The following PCSK5 variants were observed in gnomAD, a reference collection of about 807,000 sequenced individuals.
The protein encoded by PCSK5 is proprotein convertase subtilisin/kexin type 5, also known as prohormone convertase 5.
A neutral mutation model predicts 233.2 loss-of-function variants in PCSK5; 129 were observed. The observed-to-expected ratio is 0.55, with a 90% CI of 0.48 to 0.64. The LOEUF (loss-of-function observed/expected upper bound fraction) is 0.64. PCSK5 is among the 30% of genes least tolerant of loss of function. The pLI is 0.00. For missense variants in PCSK5, 2,076 were observed against 2,430.1 expected (o/e 0.85, Z 3.06); for synonymous variants, 825 against 879.2 (o/e 0.94, Z 1.09).
At chr9:75,981,952 G>A (rs1826293797) in intron 2 of PCSK5, among the ~76,000 whole-genome samples, 1 of 152,194 alleles carries the variant, frequency 6.6e-6, no homozygotes, top group Admixed American at 6.5e-5. Context: ...ATTTAAAAGG[G>A]CATGCAGTAG....
chr9:76,195,392 G>A (rs577363864), intron 20 of PCSK5: 5 of 152,268 alleles, frequency 3.3e-5, no homozygotes, highest in African/African-American at 9.6e-5. Context: ...GTCTGTTTTT[G>A]TAGACGAATA....
chr9:76,181,260 C>T lies in PCSK5; in HGVS notation c.2004-138C>T, dbSNP rs1823859673. 10 of 658,826 alleles carry T rather than the reference C, an allele frequency of 1.5e-5. No homozygotes were observed. In the South Asian group the frequency reaches 1.9e-4, roughly 13 times the overall value. The allele number at this position is 658,826 out of a possible 1,614,324, so 40.8% of individuals were successfully genotyped here. ...AGGAAGTTTAACAAACAATCTGGCT[C>T]TCTGGATGTGGTGTTGGCATCCTGG... On this transcript the variant is annotated intron_variant, in intron 15 of 37. Transcript: ENST00000674117.
At chr9:76,147,542 A>G (rs1324144287) in intron 10 of PCSK5, among the ~76,000 whole-genome samples, 1 of 152,066 alleles carries the variant, frequency 6.6e-6, no homozygotes, top group East Asian at 1.9e-4. Context: ...AGCATGTTAG[A>G]AATTCACATT....
chr9:75,975,132 T>C (rs563209033), intron 2 of PCSK5, among the ~76,000 whole-genome samples: 281 of 152,004 alleles, frequency 1.8e-3, no homozygotes, highest in Non-Finnish European at 3.2e-3. Flanking sequence ...ATGGATGAAA[T>C]GAAAACTCCT....
At chr9:76,118,913 A>G (rs974825663) in intron 9 of PCSK5, among the ~76,000 whole-genome samples, 1 of 151,982 alleles carries the variant, frequency 6.6e-6, no homozygotes, top group Admixed American at 6.6e-5. Flanking sequence ...TTTGTCTTTA[A>G]TCTGCATTTT....
intron 3 of PCSK5, among the ~76,000 whole-genome samples, chr9:76,014,024 A>G (rs1827843694): frequency 6.6e-6 from 1 of 151,876 alleles, no homozygotes; most frequent in Admixed American, 6.6e-5. Context: ...GCCACACCAC[A>G]TTCTACTCAT....
chr9:75,906,525 G>T (rs918199815), intron 1 of PCSK5, among the ~76,000 whole-genome samples: 1 of 152,082 alleles, frequency 6.6e-6, no homozygotes. Context: ...GCGCCCAGCC[G>T]CAGATACCTA....
intron 12 of PCSK5, among the ~76,000 whole-genome samples, chr9:76,167,174 G>C (rs1388837367): frequency 6.6e-6 from 1 of 152,134 alleles, no homozygotes; most frequent in African/African-American, 2.4e-5. Flanking sequence ...ATCCAACCTG[G>C]TTCCTCATTG....
rs574104993 is a variant in PCSK5, at chr9:76,098,695, T to C, written c.1107+2593T>C. 6.6e-5 allele frequency among the ~76,000 whole-genome samples: 10 copies of C among 152,340 alleles called. No homozygotes were observed. In the South Asian group the frequency reaches 2.1e-3, roughly 32 times the overall value. Reference sequence around the variant, plus strand: ...GCTATGGGGAGGGTATTGTTAACTTTTATAAATGCCTTCTGTAAGGGAAGC... The same window carrying C: ...GCTATGGGGAGGGTATTGTTAACTTCTATAAATGCCTTCTGTAAGGGAAGC... On this transcript the variant is annotated intron_variant, in intron 8 of 37. Coordinates refer to ENST00000674117, the MANE Select transcript of PCSK5 (RefSeq NM_001372043.1).
intron 1 of PCSK5, among the ~76,000 whole-genome samples, chr9:75,925,700 G>C (rs1188796634): frequency 6.6e-6 from 1 of 152,170 alleles, no homozygotes; most frequent in Non-Finnish European, 1.5e-5. Context: ...CAGAAGGAAG[G>C]AGGTGCAAGG....
intron 2 of PCSK5, among the ~76,000 whole-genome samples, chr9:75,953,634 A>ATG (rs1184889215): frequency 8.3e-5 from 12 of 144,632 alleles, no homozygotes; most frequent in Admixed American, 2.9e-4. Context: ...TGGCGTGCAT[A>ATG]TGTGTGTGTG....
chr9:75,998,041 G>T (rs557491981), intron 3 of PCSK5, among the ~76,000 whole-genome samples: 1 of 152,282 alleles, frequency 6.6e-6, no homozygotes, highest in Non-Finnish European at 1.5e-5. Flanking sequence ...AGGTAGCACA[G>T]AACTGTGTTC....
chr9:76,279,764 G>T (rs942263423), intron 24 of PCSK5, among the ~76,000 whole-genome samples: 11 of 151,576 alleles, frequency 7.3e-5, no homozygotes, highest in African/African-American at 2.2e-4. Context: ...GGGGTTGTTT[G>T]TTTTTTTCTT....
At chr9:75,942,360 T>TGGGAGAAA (rs1243681382) in intron 2 of PCSK5, among the ~76,000 whole-genome samples, 2 of 152,238 alleles carry the variant, frequency 1.3e-5, no homozygotes, top group African/African-American at 4.8e-5. Context: ...TTGGCTGTGT[T>TGGGAGAAA]GGGAGAAAGG....
At chr9:76,339,962 A>G (rs912012408) in intron 35 of PCSK5, among the ~76,000 whole-genome samples, 1 of 152,178 alleles carries the variant, frequency 6.6e-6, no homozygotes, top group Non-Finnish European at 1.5e-5. Flanking sequence ...ACCACTCAGC[A>G]GCCACCAAAT....
rs1459656524 is a variant in PCSK5 at position 76,247,225 on chromosome 9, G to A, written c.3142+6541G>A. Among the ~76,000 whole-genome samples the A allele has an allele frequency of 4.6e-5, 7 of 152,164 alleles. No individual in the cohort carries two copies. In the East Asian group the frequency reaches 1.3e-3, roughly 29 times the overall value. ...AAGTCAGCGGCAGGTCTGTGACAGCGGCAAACAGCAGTGGTGGACGCGAGC... is the reference window on the plus strand; with the variant it reads ...AAGTCAGCGGCAGGTCTGTGACAGCAGCAAACAGCAGTGGTGGACGCGAGC... On this transcript the variant is annotated intron_variant, in intron 24 of 37. Transcript: ENST00000674117.
rs2131417859 is a variant in PCSK5, at chr9:75,997,079, A to G, written c.411+10834A>G. ...GTAACCTATCTCTCTGCCAATAACTAGGGTTCTTTTAGTAAGTGCTCAATA... is the reference window on the plus strand; with the variant it reads ...GTAACCTATCTCTCTGCCAATAACTGGGGTTCTTTTAGTAAGTGCTCAATA... On this transcript the variant is annotated intron_variant, in intron 3 of 37. Coordinates refer to ENST00000674117, the MANE Select transcript of PCSK5 (RefSeq NM_001372043.1). 1.3e-5 allele frequency among the ~76,000 whole-genome samples: 2 copies of G among 152,284 alleles called. 1 individual carries two copies. Among genetic ancestry groups the G allele is most frequent in the South Asian group, 4.1e-4 (2 of 4,826 alleles).
intron 10 of PCSK5, among the ~76,000 whole-genome samples, chr9:76,150,067 A>G (rs1187601227): frequency 6.6e-6 from 1 of 152,234 alleles, no homozygotes; most frequent in African/African-American, 2.4e-5. Flanking sequence ...CTATATGTGT[A>G]TAATGAAGTA....
At chr9:76,257,491 A>G (rs754921618) in intron 24 of PCSK5, among the ~76,000 whole-genome samples, 3 of 152,060 alleles carry the variant, frequency 2.0e-5, no homozygotes, top group Non-Finnish European at 4.4e-5. Context: ...TGCTTTCCAA[A>G]AGTCAACAGG....
Sources: gnomAD v4.1 joint callset for allele counts (sites outside exome capture counted in the v4.1 genomes callset) on GRCh38, gnomAD v4.1.1 for gene constraint, MANE v1.5 for transcripts, NCBI Gene and HGNC (gene_info 2026-07-23, HGNC 2026-07-21) for gene names.